The following CUX1 variants were observed in gnomAD, a reference collection of about 807,000 sequenced individuals.
The protein encoded by CUX1 is cut like homeobox 1, also known as protein CASP.
Under a neutral mutation model 158.8 loss-of-function variants are expected in CUX1, and 31 were observed. The ratio of observed to expected loss-of-function variants is 0.20; its 90% confidence interval spans 0.15 to 0.26. The LOEUF (loss-of-function observed/expected upper bound fraction) is 0.26, where lower values mean the gene tolerates loss of function less well. Ranked by LOEUF, CUX1 falls within the 10% of genes least tolerant of loss-of-function variation. The pLI, the probability that CUX1 is intolerant of heterozygous loss-of-function variation, is 1.00. For synonymous variants in CUX1, 879 were observed against 862.1 expected (o/e 1.02, Z -0.34); for missense variants, 1,589 against 2,014.6 (o/e 0.79, Z 4.04).
In CUX1 at chr7:101,821,671, C is replaced by CTTTTTTTTTTTTTTTTTTTTTTTTTT. The variant is rs58793343; in HGVS notation, c.30+4003_30+4028dup. ...CTTTTCTTTTCTTTTTTTCTTTTTT[C>CTTTTTTTTTTTTTTTTTTTTTTTTTT]TTTTTTTTTTTTTTTTTTTTTTTTT... On this transcript the variant is annotated intron_variant, in intron 1 of 23. Coordinates refer to ENST00000292535, the MANE Select transcript of CUX1 (RefSeq NM_181552.4). 2.2e-3 allele frequency among the ~76,000 whole-genome samples: 113 copies of CTTTTTTTTTTTTTTTTTTTTTTTTTT among 51,316 alleles called. 14 individuals carry two copies. The highest frequency in any genetic ancestry group is 4.5e-3 in the South Asian group (4 of 898). The allele number at this position is 51,316 out of a possible 152,430, so 33.7% of individuals were successfully genotyped here.
chr7:101,852,842 A>C (rs571957401), intron 1 of CUX1, among the ~76,000 whole-genome samples: 1 of 151,374 alleles, frequency 6.6e-6, no homozygotes, highest in Non-Finnish European at 1.5e-5. Flanking sequence ...ATGCCTGGCT[A>C]GTTTTTTGTA....
chr7:101,981,873 G>A (rs1236009711), intron 2 of CUX1, among the ~76,000 whole-genome samples: 1 of 152,184 alleles, frequency 6.6e-6, no homozygotes, highest in East Asian at 1.9e-4. Flanking sequence ...GCCTCCCAAA[G>A]TGCTGGGATT....
intron 8 of CUX1, among the ~76,000 whole-genome samples, chr7:102,154,927 C>T (rs1474252849): frequency 6.6e-6 from 1 of 152,252 alleles, no homozygotes; most frequent in Non-Finnish European, 1.5e-5. Context: ...CCCCATCCAC[C>T]TCCCAAGTTC....
At chr7:101,948,236 A>G (rs1808624515) in intron 2 of CUX1, among the ~76,000 whole-genome samples, 2 of 152,154 alleles carry the variant, frequency 1.3e-5, no homozygotes. Flanking sequence ...GTCCTATTCT[A>G]TTACGTGGTG....
chr7:101,869,651 C>T lies in CUX1; in HGVS notation c.31-46464C>T. Among the ~76,000 whole-genome samples, 1 of 152,052 alleles carries T rather than the reference C, an allele frequency of 6.6e-6. No homozygotes were observed. Among genetic ancestry groups the T allele is most frequent in the East Asian group, 1.9e-4 (1 of 5,176 alleles). Reference sequence around the variant, plus strand: ...GCGGGAGGAGGCGTTGGTGTGCACACGCGGGGAGCCTCCGTGTCCTCAGGA... The same window carrying T: ...GCGGGAGGAGGCGTTGGTGTGCACATGCGGGGAGCCTCCGTGTCCTCAGGA... On this transcript the variant is annotated intron_variant, in intron 1 of 23. Transcript: ENST00000292535. This position sits in a 1 kb window ranked among gnomAD's most constrained non-coding sequence, Gnocchi z 4.5.
At chr7:102,078,737 G>A (rs1163907863) in intron 4 of CUX1, among the ~76,000 whole-genome samples, 1 of 152,194 alleles carries the variant, frequency 6.6e-6, no homozygotes, top group Non-Finnish European at 1.5e-5. Flanking sequence ...GTCTGCCTTT[G>A]TGAAAAGTAG....
intron 1 of CUX1, among the ~76,000 whole-genome samples, chr7:101,889,542 C>T (rs988538467): frequency 4.6e-5 from 7 of 151,970 alleles, no homozygotes; most frequent in African/African-American, 1.2e-4. Context: ...AGGCCGAGGC[C>T]GGCGGATCAC....
At chr7:101,955,117 A>C (rs1041757405) in intron 2 of CUX1, among the ~76,000 whole-genome samples, 4 of 151,674 alleles carry the variant, frequency 2.6e-5, no homozygotes, top group Admixed American at 2.0e-4. Flanking sequence ...GTGAGCTGAG[A>C]TCATGCCACT....
chr7:102,193,935 GCTGGTTACCA>G, intron 13 of CUX1, 45 bp downstream of exon 13: 4 of 1,596,332 alleles, frequency 2.5e-6, no homozygotes, highest in Non-Finnish European at 3.4e-6. Context: ...CAGCCCCGCT[GCTGGTTACCA>G]CTGGTCCCTC....
chr7:102,147,998 A>AAATG (rs1189827738), intron 8 of CUX1, among the ~76,000 whole-genome samples: 1 of 152,186 alleles, frequency 6.6e-6, no homozygotes, highest in Admixed American at 6.5e-5. Context: ...ATAAATAAAT[A>AAATG]AATAAATTTG....
chr7:101,906,705 C>G (rs913355722), intron 1 of CUX1, among the ~76,000 whole-genome samples: 2 of 152,176 alleles, frequency 1.3e-5, no homozygotes, highest in African/African-American at 4.8e-5. Context: ...CAGGCTGACT[C>G]CTAGCAGCTG....
At chr7:101,840,178 A>G (rs1014719358) in intron 1 of CUX1, among the ~76,000 whole-genome samples, 2 of 152,368 alleles carry the variant, frequency 1.3e-5, no homozygotes, top group South Asian at 4.1e-4. Context: ...ATTTTTACTA[A>G]TTAACTTGAT....
At chr7:101,889,879 G>T (rs1409484229) in intron 1 of CUX1, among the ~76,000 whole-genome samples, 4 of 152,182 alleles carry the variant, frequency 2.6e-5, no homozygotes, top group Non-Finnish European at 5.9e-5. Flanking sequence ...CTTACAAGTC[G>T]CTTGTAGGGT....
chr7:102,114,615 C>T (rs1831256915), intron 7 of CUX1, among the ~76,000 whole-genome samples: 1 of 152,188 alleles, frequency 6.6e-6, no homozygotes, highest in Admixed American at 6.5e-5. Context: ...CAGTGGCCCA[C>T]ACCTGTAATC....
intron 3 of CUX1, among the ~76,000 whole-genome samples, chr7:102,057,058 C>T (rs1201284596): frequency 1.3e-5 from 2 of 151,582 alleles, no homozygotes; most frequent in South Asian, 2.1e-4. Context: ...TGTGCTACCA[C>T]GCCTGGCTAA....
intron 23 of CUX1, among the ~76,000 whole-genome samples, chr7:102,240,784 A>G (rs1800114543): frequency 6.6e-6 from 1 of 152,056 alleles, no homozygotes; most frequent in Non-Finnish European, 1.5e-5. Context: ...ACAGCTCACA[A>G]ATGTATATGA....
intron 3 of CUX1, among the ~76,000 whole-genome samples, chr7:102,041,256 C>CTTTTTTTTTTTTT (rs11427183): frequency 1.0e-4 from 7 of 69,916 alleles, no homozygotes; most frequent in African/African-American, 3.7e-4. Context: ...CTTATCCATT[C>CTTTTTTTTTTTTT]TTTTTTTTTT....
rs1813599207 is a variant in CUX1 at position 101,982,759 on chromosome 7, A to G, written c.142-45339A>G. On this transcript the variant is annotated intron_variant, in intron 2 of 23. Coordinates refer to ENST00000292535, the MANE Select transcript of CUX1 (RefSeq NM_181552.4). The stretch of plus-strand genomic sequence containing the variant: ...TATTATACTTTAAGTTCTAGGATAC[A>G]TGTGCACAACGTGCAGGTTTGTTAC... Among the ~76,000 whole-genome samples, 3 of 151,762 alleles carry G rather than the reference A, an allele frequency of 2.0e-5. No homozygotes were observed. In the South Asian group the frequency reaches 6.2e-4, roughly 32 times the overall value.
At position 102,174,598 on chromosome 7, in the gene CUX1, A is replaced by T. The variant is rs532482968; in HGVS notation, c.829-3871A>T. On this transcript the variant is annotated intron_variant, in intron 10 of 23. Coordinates refer to ENST00000292535, the MANE Select transcript of CUX1 (RefSeq NM_181552.4). ...TCATTCTCCCTTATGTCCTTGTGAC[A>T]GCACAACTGGGAGTGCCCACTGTGT... is the stretch of plus-strand genomic sequence containing the variant. Among the ~76,000 whole-genome samples the T allele has an allele frequency of 2.0e-5, 3 of 152,324 alleles. No homozygotes were observed. The South Asian group carries it at 6.2e-4, about 32-fold the overall frequency.
Sources: gnomAD v4.1 joint callset for allele counts (sites outside exome capture counted in the v4.1 genomes callset) on GRCh38, gnomAD v4.1.1 for gene constraint, Gnocchi (gnomAD v3.1) non-coding constraint, MANE v1.5 for transcripts, NCBI Gene and HGNC (gene_info 2026-07-23, HGNC 2026-07-21) for gene names.